The following TRPC5 variants were observed in gnomAD, a reference collection of about 807,000 sequenced individuals.
The protein encoded by TRPC5 is short transient receptor potential channel 5.
In TRPC5, 9 loss-of-function variants were observed where a neutral mutation model predicts 56.5. The ratio of observed to expected loss-of-function variants is 0.16; its 90% CI spans 0.10 to 0.28. The LOEUF is 0.28. TRPC5 is among the 10% of genes least tolerant of loss of function. TRPC5 has a pLI of 1.00. For missense variants in TRPC5, 469 were observed against 748.9 expected, an observed-to-expected ratio of 0.63 and a Z score of 4.36; for synonymous variants, 282 against 278.5, an observed-to-expected ratio of 1.01 and a Z score of -0.13.
intron 6 of TRPC5, 44 bp downstream of exon 6, chrX:111,847,070 G>A: frequency 9.1e-7 from 1 of 1,094,538 alleles, no homozygotes; most frequent in Non-Finnish European, 1.2e-6. Flanking sequence ...GGAAAAAATG[G>A]CAAAAAAAAA....
intron 7 of TRPC5, among the ~76,000 whole-genome samples, chrX:111,811,743 G>A (rs185301719): frequency 9.0e-6 from 1 of 111,289 alleles, no homozygotes; most frequent in Non-Finnish European, 1.9e-5. Flanking sequence ...CAGAATGGTT[G>A]TAGAAGTCAA....
chrX:112,048,398 T>TAAAA (rs1288128450), intron 1 of TRPC5, among the ~76,000 whole-genome samples: 1 of 13,425 alleles, frequency 7.4e-5, no homozygotes, highest in African/African-American at 9.6e-4. Context: ...AGACTCCGTA[T>TAAAA]CAAAAAAAAA....
In TRPC5 at chrX:111,905,980, C is replaced by T. The variant is rs951177581; in HGVS notation, c.900+6311G>A. 1.7e-4 allele frequency among the ~76,000 whole-genome samples: 18 copies of T among 108,627 alleles called. No homozygotes were observed. In the Admixed American group the frequency reaches 1.8e-3, roughly 11 times the overall value. The allele number at this position is 108,627 out of a possible 115,157, so 94.3% of individuals were successfully genotyped here. On this transcript the variant is annotated intron_variant, in intron 3 of 10. Transcript: ENST00000262839. The stretch of plus-strand genomic sequence containing the variant: ...CATCTCAAAGATAATTTTAAGTTTA[C>T]CACAAATATTCATATAAGGTGGACA...
intron 1 of TRPC5, among the ~76,000 whole-genome samples, chrX:112,064,775 G>A (rs923276208): frequency 1.8e-5 from 2 of 112,431 alleles, no homozygotes; most frequent in Admixed American, 9.4e-5. Context: ...ATCTGTGTGA[G>A]TTTAAAAGAA....
At chrX:112,067,365 G>A (rs1930609114) in intron 1 of TRPC5, among the ~76,000 whole-genome samples, 1 of 112,715 alleles carries the variant, frequency 8.9e-6, no homozygotes, top group Admixed American at 9.4e-5. Context: ...TAGGGGAGAA[G>A]ATAAAATATA....
chrX:111,976,878 CCATTTA>C (rs1002989694), intron 1 of TRPC5, among the ~76,000 whole-genome samples: 5 of 110,032 alleles, frequency 4.5e-5, no homozygotes, highest in Non-Finnish European at 9.5e-5. Context: ...AAAAAAAATC[CCATTTA>C]CATTAGAGAC....
intron 6 of TRPC5, among the ~76,000 whole-genome samples, chrX:111,838,238 G>A (rs182321999): frequency 4.5e-4 from 50 of 111,668 alleles, no homozygotes; most frequent in African/African-American, 1.5e-3. Flanking sequence ...TCATTCCTCC[G>A]TTTTGGTGGT....
At chrX:111,938,782 C>T (rs767400743) in intron 2 of TRPC5, among the ~76,000 whole-genome samples, 2 of 112,228 alleles carry the variant, frequency 1.8e-5, no homozygotes, top group African/African-American at 6.5e-5. Flanking sequence ...CATCAATGTT[C>T]ATCAAGGATA....
chrX:111,830,071 G>A (rs748727944), intron 7 of TRPC5, among the ~76,000 whole-genome samples: 30 of 112,985 alleles, frequency 2.7e-4, no homozygotes, highest in African/African-American at 8.7e-4. Flanking sequence ...CCAAGGCAAT[G>A]GGAGCCCACC....
chrX:111,802,247 C>T, intron 7 of TRPC5, among the ~76,000 whole-genome samples: 1 of 111,345 alleles, frequency 9.0e-6, no homozygotes. Flanking sequence ...TATGCCACTA[C>T]CACACTGTTT....
chrX:112,025,527 C>T (rs750177175), intron 1 of TRPC5, among the ~76,000 whole-genome samples: 1 of 111,439 alleles, frequency 9.0e-6, no homozygotes, highest in South Asian at 3.9e-4. Context: ...TTTTTTTGGC[C>T]TGACATAAGT....
At chrX:111,810,657 G>A (rs1335905739) in intron 7 of TRPC5, among the ~76,000 whole-genome samples, 1 of 111,528 alleles carries the variant, frequency 9.0e-6, no homozygotes, top group Admixed American at 9.6e-5. Flanking sequence ...TATAATTGAT[G>A]CTGAATCTTG....
At chrX:111,844,693 G>C (rs866030980) in intron 6 of TRPC5, among the ~76,000 whole-genome samples, 4 of 109,386 alleles carry the variant, frequency 3.7e-5, no homozygotes, top group Admixed American at 2.9e-4. Context: ...TTGAACTCCT[G>C]ACCTCAGGTG....
intron 1 of TRPC5, among the ~76,000 whole-genome samples, chrX:111,972,123 A>G (rs145736379): frequency 0.017 from 1,848 of 111,482 alleles, 41 homozygotes; most frequent in African/African-American, 0.057. Context: ...CCACTGCCTC[A>G]GGTTACAATT....
chrX:112,072,218 T>C (rs1050459331), intron 1 of TRPC5, among the ~76,000 whole-genome samples: 2 of 111,919 alleles, frequency 1.8e-5, no homozygotes, highest in African/African-American at 6.5e-5. Context: ...GCATGAGACC[T>C]CTCTGAGCCT....
At chrX:112,051,548 T>C (rs192718940) in intron 1 of TRPC5, among the ~76,000 whole-genome samples, 16 of 111,135 alleles carry the variant, frequency 1.4e-4, no homozygotes, top group Admixed American at 4.8e-4. Context: ...CTAATGCTCA[T>C]GAGAAAAAAA....
At chrX:111,871,954 G>A (rs1199938961) in intron 3 of TRPC5, among the ~76,000 whole-genome samples, 1 of 111,575 alleles carries the variant, frequency 9.0e-6, no homozygotes. Flanking sequence ...GTTCTCGCAG[G>A]GATGGATTTG....
rs768798199 is a variant in TRPC5 at position 111,788,898 on chromosome X, C to T, written c.1897-6760G>A. On this transcript the variant is annotated intron_variant, in intron 7 of 10. Coordinates refer to ENST00000262839, the MANE Select transcript of TRPC5 (RefSeq NM_012471.3). ...CTTCAAGGAGAACTACAAACCATTG[C>T]TCAATGAAATAAAATAGGGTACAAA... Among the ~76,000 whole-genome samples, 5 of 111,602 alleles carry T rather than the reference C, an allele frequency of 4.5e-5. No homozygotes were observed. The East Asian group carries it at 1.1e-3, about 25-fold the overall frequency.
chrX:112,040,667 C>T (rs1337050594), intron 1 of TRPC5, among the ~76,000 whole-genome samples: 1 of 111,611 alleles, frequency 9.0e-6, no homozygotes, highest in Non-Finnish European at 1.9e-5. Flanking sequence ...AAAAAGAACA[C>T]AGTTTATCAA....
Sources: allele counts gnomAD v4.1 joint callset (sites outside exome capture counted in the v4.1 genomes callset), GRCh38; gene constraint gnomAD v4.1.1; transcripts MANE v1.5; gene names NCBI Gene and HGNC (gene_info 2026-07-23, HGNC 2026-07-21).